The following MEGF6 variants were observed in gnomAD, a reference collection of about 807,000 sequenced individuals.
MEGF6 encodes the protein multiple epidermal growth factor-like domains protein 6.
Under a neutral mutation model 207.1 loss-of-function variants are expected in MEGF6, and 184 were observed. The observed-to-expected ratio is 0.89, with a 90% confidence interval of 0.79 to 1.00. The LOEUF (loss-of-function observed/expected upper bound fraction) is 1.00, where lower values mean the gene tolerates loss of function less well. Ranked by LOEUF, MEGF6 falls within the 50% of genes least tolerant of loss-of-function variation. The pLI is 0.00. For synonymous variants in MEGF6, 1,038 were observed against 910.0 expected (o/e 1.14, Z -2.53); for missense variants, 2,282 against 2,202.9 (o/e 1.04, Z -0.72).
chr1:3,511,452 G>A (rs1390506248), intron 9 of MEGF6, 98 bp downstream of exon 9: 36 of 1,402,022 alleles, frequency 2.6e-5, no homozygotes, highest in East Asian at 7.6e-5. Flanking sequence ...GGAGACTGAC[G>A]AGGACCTCCA....
intron 4 of MEGF6, among the ~76,000 whole-genome samples, chr1:3,564,798 C>T (rs534880625): frequency 5.8e-4 from 88 of 152,268 alleles, no homozygotes; most frequent in African/African-American, 2.1e-3. Flanking sequence ...GGACGGGCCC[C>T]CTTCACCCCC....
At position 3,611,432 on chromosome 1, in the gene MEGF6, G is replaced by C. The variant is rs1570261459; in HGVS notation, c.-164C>G. On this transcript the variant is annotated 5_prime_UTR_variant, in exon 1 of 37. Transcript: ENST00000356575. ...TGCGGAGCGTCCCGGCTTCCCGCCC[G>C]CGCCCAAAGTGGCACCGCGGAGACC... is the stretch of plus-strand genomic sequence containing the variant. 2 of 1,046,842 alleles carry C rather than the reference G, an allele frequency of 1.9e-6. No homozygotes were observed. 64.8% of individuals were successfully genotyped at this position (1,046,842 alleles called of 1,614,324 possible). A position where few individuals can be genotyped will look rare whatever the true frequency, so the allele number is the denominator to read the frequency against.
At chr1:3,546,579 C>CCA (rs1642711409) in intron 4 of MEGF6, among the ~76,000 whole-genome samples, 8 of 134,738 alleles carry the variant, frequency 5.9e-5, no homozygotes, top group Admixed American at 7.2e-5. Context: ...AGGGAGGCCG[C>CCA]TGAGGCGGGG....
chr1:3,507,468 G>A (rs1406065546), intron 14 of MEGF6, among the ~76,000 whole-genome samples: 1 of 152,126 alleles, frequency 6.6e-6, no homozygotes, highest in Admixed American at 6.5e-5. Flanking sequence ...ATGCTTCCAG[G>A]AACAGGGACC....
At chr1:3,505,744 C>T (rs1042461269) in intron 15 of MEGF6, among the ~76,000 whole-genome samples, 188 bp from the exon 16 acceptor site, 9 of 152,214 alleles carry the variant, frequency 5.9e-5, no homozygotes, top group Admixed American at 1.3e-4. Context: ...GTGACCCCAC[C>T]AGGGACTCAG....
At chr1:3,599,868 G>T (rs781357723) in intron 2 of MEGF6, among the ~76,000 whole-genome samples, 4 of 152,286 alleles carry the variant, frequency 2.6e-5, no homozygotes, top group Non-Finnish European at 2.9e-5. Flanking sequence ...TTTCTGGGCT[G>T]TGCCAGGCAG....
chr1:3,523,647 C>G (rs573906414), intron 5 of MEGF6, among the ~76,000 whole-genome samples: 12 of 152,340 alleles, frequency 7.9e-5, no homozygotes, highest in Non-Finnish European at 1.3e-4. Flanking sequence ...GGTGTCCTCA[C>G]GCAGCCCCTG....
intron 4 of MEGF6, among the ~76,000 whole-genome samples, chr1:3,575,775 C>T (rs964298501): frequency 6.6e-6 from 1 of 152,226 alleles, no homozygotes; most frequent in Non-Finnish European, 1.5e-5. Context: ...CCACCTTCCA[C>T]TGGGTCCCTC....
rs561693915 is a variant in MEGF6, at chr1:3,511,341, G to A, written c.1114+209C>T. Among the ~76,000 whole-genome samples the A allele has an allele frequency of 7.2e-5, 11 of 152,280 alleles. No homozygotes were observed. The East Asian group carries it at 9.7e-4, about 13-fold the overall frequency. On this transcript the variant is annotated intron_variant, in intron 9 of 36. Coordinates refer to ENST00000356575, the MANE Select transcript of MEGF6 (RefSeq NM_001409.4). ...CCGTGAACATGGGTATGGGCCTGGC[G>A]GGCCGATGTGGGCACCAAGGTCTTT...
chr1:3,506,852 C>T (rs186167860), intron 14 of MEGF6, among the ~76,000 whole-genome samples: 2 of 152,220 alleles, frequency 1.3e-5, no homozygotes, highest in African/African-American at 4.8e-5. Flanking sequence ...ATTATCCAGG[C>T]TGGCCCTGAA....
At chr1:3,605,209 C>T (rs1274955447) in intron 1 of MEGF6, among the ~76,000 whole-genome samples, 2 of 152,042 alleles carry the variant, frequency 1.3e-5, no homozygotes, top group African/African-American at 4.8e-5. Flanking sequence ...CACACAGTCA[C>T]ACACACTTTA....
Position 3,526,070 on chromosome 1 carries a change from G to T in MEGF6, c.482-1824C>A, listed in dbSNP as rs1206936391. ...CTCTCAGAGGAGAAGCCAGTGGTGG[G>T]GACAGACGGAGCTGTGCAGCCTCAG... On this transcript the variant is annotated intron_variant, in intron 4 of 36. Coordinates refer to ENST00000356575, the MANE Select transcript of MEGF6 (RefSeq NM_001409.4). Among the ~76,000 whole-genome samples the T allele has an allele frequency of 2.0e-5, 3 of 152,324 alleles. No homozygotes were observed. In the East Asian group the frequency reaches 5.8e-4, roughly 29 times the overall value.
intron 36 of MEGF6, 102 bp downstream of exon 36, chr1:3,490,810 G>C: frequency 7.0e-7 from 1 of 1,429,306 alleles, no homozygotes; most frequent in Non-Finnish European, 9.6e-7. Flanking sequence ...CCCGGGTGCA[G>C]CTGCTGCCCT....
At chr1:3,568,179 G>A (rs1466331894) in intron 4 of MEGF6, among the ~76,000 whole-genome samples, 1 of 152,216 alleles carries the variant, frequency 6.6e-6, no homozygotes, top group African/African-American at 2.4e-5. Context: ...GGCCTCTGGG[G>A]TGCAGAGGCT....
chr1:3,562,998 C>T (rs1643246528), intron 4 of MEGF6, among the ~76,000 whole-genome samples: 1 of 152,122 alleles, frequency 6.6e-6, no homozygotes, highest in Admixed American at 6.5e-5. Context: ...CCTCTCTGCC[C>T]ACCGAGGCAG....
At chr1:3,559,603 G>A (rs1643131405) in intron 4 of MEGF6, among the ~76,000 whole-genome samples, 1 of 151,814 alleles carries the variant, frequency 6.6e-6, no homozygotes, top group South Asian at 2.1e-4. Flanking sequence ...CCAGTGGCTT[G>A]GGAGTGGGAC....
chr1:3,539,919 G>C (rs1891144), intron 4 of MEGF6, among the ~76,000 whole-genome samples: 11,708 of 152,228 alleles, frequency 0.077, 625 homozygotes, highest in East Asian at 0.14. Context: ...ACTGCAGCCT[G>C]CGAGAGTTAC....
rs780516280 is a variant in MEGF6 at position 3,524,115 on chromosome 1, G to A, written c.604+9C>T. 39 of 1,610,150 alleles carry A rather than the reference G, an allele frequency of 2.4e-5. No individual in the cohort carries two copies. The highest frequency in any genetic ancestry group is 8.9e-5 in the East Asian group (4 of 44,828). ...AGGAGCCCAGGCAGGGTCTCCAGGC[G>A]ACACTCACCCAGGCAGGTCCTGCTG... On this transcript the variant is annotated intron_variant, in intron 5 of 36. Coordinates refer to ENST00000356575, the MANE Select transcript of MEGF6 (RefSeq NM_001409.4).
chr1:3,508,923 G>A, intron 12 of MEGF6, 152 bp downstream of exon 12: 1 of 1,085,534 alleles, frequency 9.2e-7, no homozygotes. Context: ...AACTGAGCCA[G>A]TGGCTCACCC....
Sources: gnomAD v4.1 joint callset for allele counts (sites outside exome capture counted in the v4.1 genomes callset) on GRCh38, gnomAD v4.1.1 for gene constraint, MANE v1.5 for transcripts, NCBI Gene and HGNC (gene_info 2026-07-23, HGNC 2026-07-21) for gene names.